Variants in MTMR12 observed in about 807,000 individuals in gnomAD.
The protein encoded by MTMR12 is myotubularin-related protein 12.
In MTMR12, 33 loss-of-function variants were observed where a neutral mutation model predicts 96.7. The ratio of observed to expected loss-of-function variants is 0.34; its 90% CI spans 0.26 to 0.46. The LOEUF (loss-of-function observed/expected upper bound fraction) is 0.46, where lower values mean the gene tolerates loss of function less well. Ranked by LOEUF, MTMR12 falls within the 20% of genes least tolerant of loss-of-function variation. The pLI, the probability that MTMR12 is intolerant of heterozygous loss-of-function variation, is 1.00. For missense variants in MTMR12, 721 were observed against 896.1 expected, an observed-to-expected ratio of 0.80 and a Z score of 2.49; for synonymous variants, 298 against 327.2, an observed-to-expected ratio of 0.91 and a Z score of 0.96.
intron 3 of MTMR12, among the ~76,000 whole-genome samples, chr5:32,272,885 C>G (rs1044533377): frequency 6.6e-6 from 1 of 152,132 alleles, no homozygotes; most frequent in Non-Finnish European, 1.5e-5. Context: ...GACTATGAAC[C>G]AAGCCCAAGG....
intron 1 of MTMR12, among the ~76,000 whole-genome samples, chr5:32,303,831 GC>G (rs1751238662): frequency 1.8e-5 from 2 of 110,302 alleles, no homozygotes; most frequent in African/African-American, 7.4e-5. Flanking sequence ...CAAACTCACT[GC>G]CCTCTTTGCC....
chr5:32,269,168 A>C (rs1049099450), intron 5 of MTMR12, among the ~76,000 whole-genome samples: 2 of 151,966 alleles, frequency 1.3e-5, no homozygotes, highest in Non-Finnish European at 2.9e-5. Context: ...CTGGGATTAC[A>C]GGCCTGCATC....
intron 12 of MTMR12, among the ~76,000 whole-genome samples, chr5:32,241,610 A>G (rs1427092810): frequency 6.6e-6 from 1 of 152,252 alleles, no homozygotes; most frequent in East Asian, 1.9e-4. Context: ...CAGCGAGTTA[A>G]GCCCACTGAG....
chr5:32,295,564 C>T (rs184187496), intron 1 of MTMR12, among the ~76,000 whole-genome samples: 54 of 152,316 alleles, frequency 3.5e-4, no homozygotes, highest in Admixed American at 7.8e-4. Context: ...TACTTGGAAA[C>T]TCAACAGAGC....
chr5:32,245,816 A>T (rs1748657006), intron 10 of MTMR12, among the ~76,000 whole-genome samples: 1 of 151,918 alleles, frequency 6.6e-6, no homozygotes, highest in Non-Finnish European at 1.5e-5. Context: ...CAACAGAGTG[A>T]GAATTTGTCT....
intron 1 of MTMR12, among the ~76,000 whole-genome samples, chr5:32,298,047 G>A (rs1330096037): frequency 1.3e-5 from 2 of 152,252 alleles, no homozygotes; most frequent in Non-Finnish European, 2.9e-5. Flanking sequence ...TTGAAAGCTA[G>A]TTAGGATTTG....
intron 13 of MTMR12, among the ~76,000 whole-genome samples, chr5:32,236,938 C>T (rs1283158440): frequency 6.6e-6 from 1 of 152,164 alleles, no homozygotes; most frequent in Non-Finnish European, 1.5e-5. Context: ...TAAATGCCAT[C>T]AACCTTTCAA....
At chr5:32,289,367 C>T (rs138165308) in intron 1 of MTMR12, among the ~76,000 whole-genome samples, 7,454 of 152,220 alleles carry the variant, frequency 0.049, 223 homozygotes, top group East Asian at 0.087. Context: ...AGCCAGTTTA[C>T]AGACCCAGAA....
intron 1 of MTMR12, among the ~76,000 whole-genome samples, chr5:32,286,661 C>G (rs1750550675): frequency 6.6e-6 from 1 of 152,166 alleles, no homozygotes; most frequent in African/African-American, 2.4e-5. Flanking sequence ...TTATTCAGAG[C>G]TTAGTTAACT....
chr5:32,268,631 C>T, intron 6 of MTMR12, 70 bp downstream of exon 6: 1 of 1,297,250 alleles, frequency 7.7e-7, no homozygotes, highest in African/African-American at 1.5e-5. Flanking sequence ...ATGTGTTCTC[C>T]CCCACTGGCT....
At chr5:32,265,802 C>T (rs11959553) in intron 6 of MTMR12, among the ~76,000 whole-genome samples, 57,123 of 152,016 alleles carry the variant, frequency 0.38, 10,934 homozygotes, top group East Asian at 0.49. Context: ...TTATGTGCCA[C>T]CCACTAACAA....
At chr5:32,242,162 G>A (rs1273397430) in intron 11 of MTMR12, 35 bp from the exon 12 acceptor site, 9 of 1,500,270 alleles carry the variant, frequency 6.0e-6, no homozygotes, top group Non-Finnish European at 8.3e-6. Flanking sequence ...AGGGGCATTA[G>A]TTCATGAGCT....
At chr5:32,234,852 G>A in intron 14 of MTMR12, 110 bp downstream of exon 14, 1 of 1,043,148 alleles carries the variant, frequency 9.6e-7, no homozygotes, top group East Asian at 2.4e-5. Flanking sequence ...ACTTTGTTTA[G>A]TGTATGTGCT....
At chr5:32,267,193 T>C (rs911683563) in intron 6 of MTMR12, among the ~76,000 whole-genome samples, 1 of 151,670 alleles carries the variant, frequency 6.6e-6, no homozygotes. Flanking sequence ...CTGGCCAACA[T>C]GGTAAAACCC....
At chr5:32,301,150 T>C (rs1278482702) in intron 1 of MTMR12, among the ~76,000 whole-genome samples, 22 of 152,090 alleles carry the variant, frequency 1.4e-4, no homozygotes, top group Admixed American at 1.4e-3. Context: ...GGCTGGGGGC[T>C]GCAGACAGAT....
intron 1 of MTMR12, among the ~76,000 whole-genome samples, chr5:32,304,095 G>T (rs1040748075): frequency 2.6e-5 from 4 of 152,130 alleles, no homozygotes; most frequent in African/African-American, 9.7e-5. Flanking sequence ...GCCGAGGCGG[G>T]CGGATCACAA....
chr5:32,261,493 C>A (rs920276558), intron 7 of MTMR12, among the ~76,000 whole-genome samples: 1 of 152,170 alleles, frequency 6.6e-6, no homozygotes, highest in Non-Finnish European at 1.5e-5. Flanking sequence ...CAAAACCTTA[C>A]TTCCACCATG....
At position 32,279,117 on chromosome 5, in the gene MTMR12, T is replaced by G. The variant is rs1455237208; in HGVS notation, c.82-2375A>C. On this transcript the variant is annotated intron_variant, in intron 1 of 15. Coordinates refer to ENST00000382142, the MANE Select transcript of MTMR12 (RefSeq NM_001040446.3). ...AAAAAAAAAAAAAAAAAAAAAAAAGTAAGTTATGGCTGGGCACAGCAACTC... is the reference window on the plus strand; with the variant it reads ...AAAAAAAAAAAAAAAAAAAAAAAAGGAAGTTATGGCTGGGCACAGCAACTC... Among the ~76,000 whole-genome samples the G allele has an allele frequency of 1.1e-3, 71 of 62,686 alleles. No homozygotes were observed. The South Asian group carries it at 0.022, about 19-fold the overall frequency. 41.1% of individuals were successfully genotyped at this position (62,686 alleles called of 152,430 possible).
intron 1 of MTMR12, among the ~76,000 whole-genome samples, chr5:32,311,982 T>TC (rs1206485171): frequency 2.0e-5 from 3 of 152,178 alleles, no homozygotes; most frequent in African/African-American, 4.8e-5. Flanking sequence ...GTTTCTCCTT[T>TC]CCCCCTCAAA....
Sources: gnomAD v4.1 joint callset for allele counts (sites outside exome capture counted in the v4.1 genomes callset) on GRCh38, gnomAD v4.1.1 for gene constraint, MANE v1.5 for transcripts, NCBI Gene and HGNC (gene_info 2026-07-23, HGNC 2026-07-21) for gene names.